NDUFAF6: variants seen among roughly 807,000 people sequenced by gnomAD.
The protein encoded by NDUFAF6 is NADH dehydrogenase (ubiquinone) complex I, assembly factor 6.
In NDUFAF6, 45 loss-of-function variants were observed where a neutral mutation model predicts 40.8. That is an observed-to-expected ratio of 1.10 (90% confidence interval 0.87 to 1.42). The LOEUF is 1.42. Among genes scored for constraint, NDUFAF6 ranks in the 40% most tolerant of loss-of-function variants. NDUFAF6 has a pLI of 0.00. For synonymous variants in NDUFAF6, 185 were observed against 155.9 expected, an observed-to-expected ratio of 1.19 and a Z score of -1.39; for missense variants, 435 against 418.5, an observed-to-expected ratio of 1.04 and a Z score of -0.34.
chr8:95,037,379 T>A (rs1396498979), intron 3 of NDUFAF6, among the ~76,000 whole-genome samples: 1 of 152,246 alleles, frequency 6.6e-6, no homozygotes, highest in Non-Finnish European at 1.5e-5. Flanking sequence ...TGGCTTTTCA[T>A]TTATTAAATA....
chr8:95,090,481 T>A (rs1048059505), intron 2 of NDUFAF6, among the ~76,000 whole-genome samples: 1 of 152,208 alleles, frequency 6.6e-6, no homozygotes, highest in Non-Finnish European at 1.5e-5. Flanking sequence ...TCTTGGAGAC[T>A]TGAGATTCTT....
At chr8:94,920,292 T>TAAATAGAA (rs988818965) in intron 1 of NDUFAF6, among the ~76,000 whole-genome samples, 1 of 152,236 alleles carries the variant, frequency 6.6e-6, no homozygotes, top group African/African-American at 2.4e-5. Flanking sequence ...TGGTAATTTA[T>TAAATAGAA]AAATAGAAAT....
chr8:94,903,862 A>G (rs1255176383), intron 1 of NDUFAF6, among the ~76,000 whole-genome samples: 3 of 152,140 alleles, frequency 2.0e-5, no homozygotes, highest in Admixed American at 6.5e-5. Flanking sequence ...TAGGTAATTG[A>G]TGCTAGGCTG....
intron 9 of NDUFAF6, among the ~76,000 whole-genome samples, chr8:95,074,796 C>G (rs1194422098): frequency 6.6e-6 from 1 of 152,152 alleles, no homozygotes; most frequent in Admixed American, 6.6e-5. Flanking sequence ...TTTACTTCCT[C>G]ACTGGTTTCC....
At chr8:95,002,794 G>C (rs919679912) in intron 2 of NDUFAF6, among the ~76,000 whole-genome samples, 16 of 152,212 alleles carry the variant, frequency 1.1e-4, no homozygotes, top group African/African-American at 3.9e-4. Context: ...AAGCATAAGA[G>C]GCACCTGGTT....
At chr8:94,980,339 A>T (rs1825313970) in intron 1 of NDUFAF6, among the ~76,000 whole-genome samples, 2 of 151,388 alleles carry the variant, frequency 1.3e-5, no homozygotes, top group East Asian at 3.9e-4. Context: ...TTTGTGGGAG[A>T]CACCCAGGCT....
upstream of NDUFAF6, among the ~76,000 whole-genome samples, chr8:95,098,869 C>T (rs1431792446): frequency 1.3e-5 from 2 of 151,980 alleles, no homozygotes; most frequent in Non-Finnish European, 2.9e-5. Context: ...TTGCAGTGCG[C>T]CAAGATCGCC....
Position 94,976,501 on chromosome 8 carries a change from CAAAA to C in NDUFAF6, c.-198-4338_-198-4335del, listed in dbSNP as rs35323204. Among the ~76,000 whole-genome samples the C allele has an allele frequency of 8.0e-3, 731 of 91,924 alleles. 8 individuals are homozygous for C. The highest frequency in any genetic ancestry group is 0.033 in the African/African-American group (692 of 21,116). The allele number at this position is 91,924 out of a possible 152,430, so 60.3% of individuals were successfully genotyped here. On this transcript the variant is annotated intron_variant, in intron 1 of 9. Coordinates refer to the NDUFAF6 transcript ENST00000396111. Reference sequence around the variant, plus strand: ...CTGGTGACAGAGCAACACTCCATCTCAAAAAAAAAAAAAAAAAAAAAAATTAGCT... The same window carrying C: ...CTGGTGACAGAGCAACACTCCATCTCAAAAAAAAAAAAAAAAAAATTAGCT...
At chr8:95,104,393 C>G (rs1809753360), downstream of NDUFAF6, among the ~76,000 whole-genome samples, 1 of 152,300 alleles carries the variant, frequency 6.6e-6, no homozygotes, top group African/African-American at 2.4e-5. Context: ...GTTCTTATAT[C>G]TAGTCACCTC....
chr8:94,998,369 T>A (rs1283342911), intron 2 of NDUFAF6, among the ~76,000 whole-genome samples: 2 of 148,702 alleles, frequency 1.3e-5, no homozygotes, highest in African/African-American at 2.5e-5. Context: ...AGTTATTCTC[T>A]GCAATCAAAT....
intron 4 of NDUFAF6, among the ~76,000 whole-genome samples, chr8:95,043,172 C>T (rs953229301): frequency 1.3e-5 from 2 of 151,098 alleles, no homozygotes; most frequent in African/African-American, 2.4e-5. Flanking sequence ...GCAATCTCCG[C>T]CTCCTGGGTT....
chr8:94,943,595 G>C (rs1252600771), intron 1 of NDUFAF6, among the ~76,000 whole-genome samples: 1 of 152,168 alleles, frequency 6.6e-6, no homozygotes. Flanking sequence ...ACAACTTCAG[G>C]CTCCTGACAG....
chr8:95,026,834 T>C (rs894192337), intron 1 of NDUFAF6, among the ~76,000 whole-genome samples: 8 of 152,120 alleles, frequency 5.3e-5, no homozygotes, highest in Non-Finnish European at 8.8e-5. Context: ...GGTTGCTTGA[T>C]GCCAGGAGTT....
chr8:94,996,235 A>G (rs1490073707), intron 2 of NDUFAF6, among the ~76,000 whole-genome samples: 1 of 152,288 alleles, frequency 6.6e-6, no homozygotes, highest in East Asian at 1.9e-4. Flanking sequence ...GCTTAGTACA[A>G]TGAAACAAAT....
Position 95,025,139 on chromosome 8 carries a change from G to A in NDUFAF6, c.131G>A (p.Arg44Gln). The change falls in exon 1 of 9, where the codon CGG becomes CAG. Residue 44 changes from arginine (R) to glutamine (Q), a missense_variant. Transcript: ENST00000396124. ...CTGCCCGGGCCGGAGGTGTCTGGGCGGAGCGTGGCTGCGGCCAGCGGACCG... is the reference window on the plus strand; with the variant it reads ...CTGCCCGGGCCGGAGGTGTCTGGGCAGAGCGTGGCTGCGGCCAGCGGACCG... Reference protein sequence around the residue: ...RRLPGPEVSGRSVAAASGPGA... With the variant: ...RRLPGPEVSGQSVAAASGPGA... The A allele has an allele frequency of 5.4e-6, 8 of 1,485,466 alleles. No homozygotes were observed. Among genetic ancestry groups the A allele is most frequent in the Non-Finnish European group, 7.1e-6 (8 of 1,127,878 alleles). The allele number at this position is 1,485,466 out of a possible 1,614,324, so 92.0% of individuals were successfully genotyped here. A position where few individuals can be genotyped will look rare whatever the true frequency, so the allele number is the denominator to read the frequency against.
upstream of NDUFAF6, among the ~76,000 whole-genome samples, chr8:95,100,036 G>A (rs1415286224): frequency 6.6e-6 from 1 of 152,124 alleles, no homozygotes; most frequent in East Asian, 1.9e-4. Context: ...CGTGAGGCTT[G>A]GAGTGAGTTG....
At chr8:95,018,636 A>C (rs1827566595) in intron 2 of NDUFAF6, among the ~76,000 whole-genome samples, 1 of 152,218 alleles carries the variant, frequency 6.6e-6, no homozygotes, top group African/African-American at 2.4e-5. Context: ...CATTGGGATA[A>C]AAACACAGGC....
At chr8:95,000,135 G>A (rs1270795999) in intron 2 of NDUFAF6, among the ~76,000 whole-genome samples, 2 of 151,970 alleles carry the variant, frequency 1.3e-5, no homozygotes, top group African/African-American at 2.4e-5. Flanking sequence ...TCAGGAATTC[G>A]AGACCAGCCT....
chr8:94,978,344 C>T (rs1825139387), intron 1 of NDUFAF6, among the ~76,000 whole-genome samples: 1 of 152,186 alleles, frequency 6.6e-6, no homozygotes, highest in South Asian at 2.1e-4. Flanking sequence ...TTCTTGCCCT[C>T]AGGACACTTT....
Sources: allele counts gnomAD v4.1 joint callset (sites outside exome capture counted in the v4.1 genomes callset), GRCh38; gene constraint gnomAD v4.1.1; transcripts MANE v1.5; gene names NCBI Gene and HGNC (gene_info 2026-07-23, HGNC 2026-07-21).